Variants in ADCY10 observed in about 807,000 individuals in gnomAD.
ADCY10 encodes the protein adenylate cyclase type 10.
Under a neutral mutation model 183.3 loss-of-function variants are expected in ADCY10, and 156 were observed. The ratio of observed to expected loss-of-function variants is 0.85; its 90% CI spans 0.75 to 0.97. The LOEUF is 0.97. Among genes scored for constraint, ADCY10 ranks in the 50% least tolerant of loss-of-function variants. The pLI is 0.00. For synonymous variants in ADCY10, 645 were observed against 670.0 expected (o/e 0.96, Z 0.58); for missense variants, 1,745 against 1,934.3 (o/e 0.90, Z 1.84).
In ADCY10 at chr1:167,810,898, C is replaced by T. The variant is rs1489558358; in HGVS notation, c.4498G>A (p.Val1500Met). 1.6e-5 allele frequency: 26 copies of T among 1,613,966 alleles called. No homozygotes were observed. The highest frequency in any genetic ancestry group is 2.1e-5 in the Non-Finnish European group (25 of 1,180,024). ...ACAGGGCCAGTGGTATTTTGAGCCA[C>T]CAGATTCTCCAAGTTCTAAAGAAAA... ...EELLKNLENL[V>M]AQNTTGPVFC... The change falls in exon 32 of 33, where the codon GTG becomes ATG. Residue 1500 changes from valine to methionine, a missense_variant. By Grantham distance (21) the Val-to-Met change is conservative (BLOSUM62 1). Transcript: ENST00000367851.
intron 12 of ADCY10, among the ~76,000 whole-genome samples, chr1:167,877,235 T>C (rs889290161): frequency 5.4e-5 from 8 of 149,292 alleles, no homozygotes; most frequent in African/African-American, 2.0e-4. Context: ...TTATAATAGT[T>C]TCTATCTCGT....
intron 8 of ADCY10, among the ~76,000 whole-genome samples, chr1:167,886,762 A>C (rs912272836): frequency 6.6e-6 from 1 of 152,246 alleles, no homozygotes; most frequent in African/African-American, 2.4e-5. Context: ...CAGGCATCCT[A>C]CAGAATGGGA....
chr1:167,862,502 G>A (rs1285076995), intron 14 of ADCY10, among the ~76,000 whole-genome samples: 1 of 152,090 alleles, frequency 6.6e-6, no homozygotes, highest in African/African-American at 2.4e-5. Flanking sequence ...TCTTCCTCAT[G>A]GTCCAGAGAA....
At chr1:167,904,741 T>C (rs1234156867) in intron 2 of ADCY10, 6 of 614,636 alleles carry the variant, frequency 9.8e-6, no homozygotes, top group Non-Finnish European at 1.7e-5. Context: ...GGGGCAGAGA[T>C]ACTGGAGCAA....
In ADCY10 at chr1:167,903,958, G is replaced by T; in HGVS notation, c.182C>A (p.Ala61Asp). The change falls in exon 3 of 33, where the codon GCC (alanine) becomes GAC (aspartate). Residue 61 changes from alanine (A) to aspartate (D), a missense_variant. Physicochemically the swap from Ala to Asp is moderately radical, Grantham distance 126. Coordinates refer to ENST00000367851, the MANE Select transcript of ADCY10 (RefSeq NM_018417.6). ...CTCAGCCCCTCTGTCCATGTACATG[G>T]CACTGCTGAACTTCTCAGTCATTGC... ...FTAMTEKFSS[A>D]MYMDRGAEQL... The T allele has an allele frequency of 1.2e-6, 2 of 1,613,834 alleles. No individual in the cohort carries two copies. The highest frequency in any genetic ancestry group is 8.5e-7 in the Non-Finnish European group (1 of 1,179,786).
Position 167,899,545 on chromosome 1 carries a change from C to T in ADCY10, c.520G>A (p.Asp174Asn), listed in dbSNP as rs187414983. The T allele has an allele frequency of 3.0e-5, 48 of 1,614,240 alleles. No homozygotes were observed. Among genetic ancestry groups the T allele is most frequent in the Non-Finnish European group, 3.5e-5 (41 of 1,180,056 alleles). The change falls in exon 6 of 33, where the codon GAT becomes AAT. Residue 174 changes from aspartate to asparagine, a missense_variant. Asp to Asn is a conservative substitution (Grantham distance 23, BLOSUM62 1). Coordinates refer to ENST00000367851, the MANE Select transcript of ADCY10 (RefSeq NM_018417.6). The stretch of plus-strand genomic sequence containing the variant: ...GCCATGTTCTGGGCAAGGCGCACAT[C>T]GTCCACTGCCTGACCAATCACCAGA... ...HFLVIGQAVD[D>N]VRLAQNMAQM...
At chr1:167,896,028 T>C (rs1224579201) in intron 7 of ADCY10, among the ~76,000 whole-genome samples, 1 of 152,176 alleles carries the variant, frequency 6.6e-6, no homozygotes, top group African/African-American at 2.4e-5. Flanking sequence ...TAAGCTATGG[T>C]CAACCATCTA....
At chr1:167,894,134 G>T (rs952723552) in intron 7 of ADCY10, among the ~76,000 whole-genome samples, 193 bp from the exon 8 acceptor site, 1 of 152,174 alleles carries the variant, frequency 6.6e-6, no homozygotes, top group Non-Finnish European at 1.5e-5. Context: ...GAGGTTAAAG[G>T]TTTCCCAAAA....
intron 9 of ADCY10, 114 bp from the exon 10 acceptor site, chr1:167,880,723 A>G (rs1314965619): frequency 6.5e-6 from 5 of 770,830 alleles, no homozygotes; most frequent in South Asian, 4.1e-5. Flanking sequence ...ATCAGATTTT[A>G]TCATGATTTC....
intron 21 of ADCY10, among the ~76,000 whole-genome samples, chr1:167,839,541 G>A (rs879524476): frequency 6.6e-6 from 1 of 152,074 alleles, no homozygotes; most frequent in Admixed American, 6.5e-5. Flanking sequence ...CACTAGCTAG[G>A]TCCTTATTAT....
At chr1:167,892,059 C>T (rs1053554766) in intron 8 of ADCY10, among the ~76,000 whole-genome samples, 1 of 151,700 alleles carries the variant, frequency 6.6e-6, no homozygotes, top group Non-Finnish European at 1.5e-5. Context: ...CTGCAAGCTC[C>T]GTCTCCTTGC....
intron 17 of ADCY10, among the ~76,000 whole-genome samples, chr1:167,855,125 A>G (rs1665792405): frequency 6.6e-6 from 1 of 152,232 alleles, no homozygotes; most frequent in Non-Finnish European, 1.5e-5. Context: ...TTTCAAGACC[A>G]GCCTGACCAA....
intron 2 of ADCY10, among the ~76,000 whole-genome samples, chr1:167,904,302 G>T (rs182160563): frequency 8.3e-4 from 126 of 152,134 alleles, no homozygotes; most frequent in Non-Finnish European, 1.7e-3. Context: ...TAGCCAGGAT[G>T]GTCTCGAACT....
In ADCY10 at chr1:167,846,269, G is replaced by A. The variant is rs781649194; in HGVS notation, c.2438-6C>T. ...CAGCTGGATCAGAGAGATTTCTGCA[G>A]GTAGAAGGCCACACAGTAGAAAACT... is the stretch of plus-strand genomic sequence containing the variant. On this transcript the variant is annotated splice_polypyrimidine_tract_variant and splice_region_variant and intron_variant, in intron 19 of 32. Transcript: ENST00000367851. 33 of 1,614,136 alleles carry A rather than the reference G, an allele frequency of 2.0e-5. No individual in the cohort carries two copies. The highest frequency in any genetic ancestry group is 2.7e-5 in the Non-Finnish European group (32 of 1,180,014).
At chr1:167,901,634 T>C (rs755685979) in intron 5 of ADCY10, 28 bp downstream of exon 5, 9 of 1,611,874 alleles carry the variant, frequency 5.6e-6, no homozygotes, top group African/African-American at 1.3e-5. Context: ...CCAGCTGCCG[T>C]AGGATTTATT....
Position 167,823,120 on chromosome 1 carries a change from G to T in ADCY10, c.4056C>A (p.Tyr1352Ter), listed in dbSNP as rs779830099. The part of the protein sequence containing the change: ...LSRCLLLNSR[Y>*]PQLIQVLGRL... ...GCCCCAGCACCTGGATCAATTGCGG[G>T]TATCTATGGAAAAGAAAAGGTAGTG... is the stretch of plus-strand genomic sequence containing the variant. The change falls in exon 29 of 33, where the codon TAC (tyrosine) becomes TAA (stop). Residue 1352 changes from tyrosine to a stop codon, truncating the protein, a stop_gained. Transcript: ENST00000367851. LOFTEE classifies it high-confidence loss of function. The T allele has an allele frequency of 1.9e-6, 3 of 1,613,830 alleles. No homozygotes were observed. Among genetic ancestry groups the T allele is most frequent in the Non-Finnish European group, 2.5e-6 (3 of 1,179,750 alleles).
chr1:167,854,317 A>G, intron 18 of ADCY10, 36 bp downstream of exon 18: 1 of 1,614,026 alleles, frequency 6.2e-7, no homozygotes, highest in Non-Finnish European at 8.5e-7. Context: ...AGTTAGGCAG[A>G]ACAGAGTAAG....
rs377661802 is a variant in ADCY10, at chr1:167,854,090, C to A, written c.2308+263G>T. Among the ~76,000 whole-genome samples, 99 of 151,990 alleles carry A rather than the reference C, an allele frequency of 6.5e-4. 2 individuals carry two copies. Among genetic ancestry groups the A allele is most frequent in the Non-Finnish European group, 1.3e-4 (9 of 67,992 alleles). On this transcript the variant is annotated intron_variant, in intron 18 of 32. Coordinates refer to ENST00000367851, the MANE Select transcript of ADCY10 (RefSeq NM_018417.6). ...CTGACCTCAAGTGATCTGCCTGCCT[C>A]GGGCTCCGAAAGTGCTGAGATTTAG...
At chr1:167,877,201 G>A (rs896253801) in intron 12 of ADCY10, among the ~76,000 whole-genome samples, 1 of 150,474 alleles carries the variant, frequency 6.6e-6, no homozygotes, top group East Asian at 1.9e-4. Context: ...CTGAGCCTCA[G>A]TTTTTGAATT....
Sources: allele counts gnomAD v4.1 joint callset (sites outside exome capture counted in the v4.1 genomes callset), GRCh38; gene constraint gnomAD v4.1.1; transcripts MANE v1.5; gene names NCBI Gene and HGNC (gene_info 2026-07-23, HGNC 2026-07-21).